The following GET1 variants were observed in gnomAD, a reference collection of about 807,000 sequenced individuals.
GET1 encodes the protein guided entry of tail-anchored proteins factor 1, also known as congenital heart disease 5 protein.
In GET1, 20 loss-of-function variants were observed where a neutral mutation model predicts 22.6. The ratio of observed to expected loss-of-function variants is 0.89; its 90% CI spans 0.62 to 1.29. GET1 has a LOEUF of 1.29. GET1 is among the 50% of genes most tolerant of loss of function. GET1 has a pLI of 0.00. For missense variants in GET1, 209 were observed against 219.9 expected (o/e 0.95, Z 0.31); for synonymous variants, 92 against 83.8 (o/e 1.10, Z -0.53).
At chr21:39,405,756 G>T in intron 4 of GET1, 2 of 633,452 alleles carry the variant, frequency 3.2e-6, no homozygotes, top group Non-Finnish European at 2.4e-6. Context: ...TTTAATTATC[G>T]AAAGTCAATT....
intron 1 of GET1, chr21:39,411,780 AT>A: frequency 6.3e-7 from 1 of 1,589,154 alleles, no homozygotes; most frequent in Non-Finnish European, 8.6e-7. Flanking sequence ...GATGTTTTTA[AT>A]TTCAAGCTCA....
At chr21:39,416,722 A>G (rs2041235491) in intron 1 of GET1, among the ~76,000 whole-genome samples, 1 of 152,076 alleles carries the variant, frequency 6.6e-6, no homozygotes, top group Non-Finnish European at 1.5e-5. Flanking sequence ...ATCTATCAGG[A>G]GCTTTATCCC....
intron 1 of GET1, chr21:39,386,427 G>A (rs1364491363): frequency 6.6e-6 from 1 of 152,300 alleles, no homozygotes; most frequent in Admixed American, 6.5e-5. Context: ...GTGCGGGCAG[G>A]GCCTCCAGTG....
intron 1 of GET1, chr21:39,411,725 A>T (rs757831763): frequency 2.0e-6 from 3 of 1,479,340 alleles, no homozygotes; most frequent in Non-Finnish European, 2.8e-6. Context: ...TACCTTTTGG[A>T]TAGTCCTCTG....
Position 39,419,884 on chromosome 21 carries a change from A to T in GET1, c.*24-8348A>T, listed in dbSNP as rs533315480. ...GAAAGATAGCAAAAAGCCTGACAAA[A>T]TATTTTAAAAATTCTTATTTTTAAA... On this transcript the variant is annotated intron_variant, in intron 1 of 1. Coordinates refer to the GET1 transcript ENST00000478273. 2.0e-5 allele frequency among the ~76,000 whole-genome samples: 3 copies of T among 152,334 alleles called. No homozygotes were observed. In the South Asian group the frequency reaches 6.2e-4, roughly 32 times the overall value.
downstream of GET1, chr21:39,408,599 C>A (rs187726711): frequency 4.7e-4 from 71 of 152,418 alleles, no homozygotes; most frequent in African/African-American, 1.6e-3. Context: ...TCTATCAAAC[C>A]CTGCAGTCTG....
intron 4 of GET1, among the ~76,000 whole-genome samples, chr21:39,403,549 T>TTTC (rs1555890063): frequency 0.011 from 1,671 of 151,386 alleles, 20 homozygotes; most frequent in Admixed American, 0.017. Context: ...ATGGTCTCGA[T>TTTC]CTGACTTCAT....
chr21:39,383,261 T>C (rs2037678213), intron 1 of GET1, among the ~76,000 whole-genome samples: 1 of 146,848 alleles, frequency 6.8e-6, no homozygotes, highest in Non-Finnish European at 1.5e-5. Flanking sequence ...GCCTATTTTT[T>C]TTTTTATTAT....
chr21:39,428,242 A>G (rs1446535361), exon 2 of GET1: 2 of 1,605,364 alleles, frequency 1.2e-6, no homozygotes, highest in Non-Finnish European at 1.7e-6. Flanking sequence ...GCTGCTTTAA[A>G]TAATTTCTAT....
Position 39,397,056 on chromosome 21 carries a change from T to C in GET1, c.*117T>C. The C allele has an allele frequency of 9.1e-7, 1 of 1,097,954 alleles. No individual in the cohort carries two copies. Among genetic ancestry groups the C allele is most frequent in the Non-Finnish European group, 1.3e-6 (1 of 760,934 alleles). 68.0% of individuals were successfully genotyped at this position (1,097,954 alleles called of 1,614,324 possible). ...AAAAGTGCATAGTTTAGATTTTTTT[T>C]TTGTTGAATATGTTTGTTCTTGGAC... On this transcript the variant is annotated 3_prime_UTR_variant, in exon 5 of 5. Coordinates refer to ENST00000649170, the MANE Select transcript of GET1 (RefSeq NM_004627.6).
At position 39,380,483 on chromosome 21, in the gene GET1, C is replaced by T; in HGVS notation, c.99C>T (p.Ser33=). The T allele has an allele frequency of 1.2e-6, 2 of 1,611,204 alleles. No individual in the cohort carries two copies. Among genetic ancestry groups the T allele is most frequent in the South Asian group, 1.1e-5 (1 of 90,340 alleles). Residue 33 remains serine (S), a synonymous_variant, in exon 1 of 5, where the codon TCC becomes TCT. Coordinates refer to ENST00000649170, the MANE Select transcript of GET1 (RefSeq NM_004627.6). ...VLRILLPSFS[S]FMSRVLQKDA... ...GGATCCTCCTCCCGTCCTTCTCATC[C>T]TTCGTAAGTGGCTGCCTGGCCTCCC... is the stretch of plus-strand genomic sequence containing the variant.
Position 39,414,742 on chromosome 21 carries a change from C to CTCTG in GET1, c.*23+3806_*23+3807insCTGT, listed in dbSNP as rs1341489035. 7.3e-3 allele frequency among the ~76,000 whole-genome samples: 728 copies of CTCTG among 99,226 alleles called. 5 individuals carry two copies. The highest frequency in any genetic ancestry group is 8.5e-3 in the African/African-American group (194 of 22,732). 65.1% of individuals were successfully genotyped at this position (99,226 alleles called of 152,430 possible). A position where few individuals can be genotyped will look rare whatever the true frequency, so the allele number is the denominator to read the frequency against. On this transcript the variant is annotated intron_variant, in intron 1 of 1. Coordinates refer to the GET1 transcript ENST00000478273. ...TCTCTCTCTCTCTCTCTCTCTCTCT[C>CTCTG]TGTGTGTGTGTGTGTGTGTGTGTGT...
chr21:39,395,254 T>C (rs2038563213), intron 4 of GET1, among the ~76,000 whole-genome samples: 1 of 152,220 alleles, frequency 6.6e-6, no homozygotes, highest in African/African-American at 2.4e-5. Context: ...AGGATATTTA[T>C]TCCGGTCCTG....
downstream of GET1, among the ~76,000 whole-genome samples, chr21:39,402,192 C>A (rs751974181): frequency 2.0e-5 from 3 of 152,100 alleles, no homozygotes; most frequent in Non-Finnish European, 4.4e-5. Context: ...CAACCCCTGC[C>A]TCCTGGGTTC....
At chr21:39,410,178 TA>T, downstream of GET1, 9 of 1,248,138 alleles carry the variant, frequency 7.2e-6, no homozygotes, top group South Asian at 1.1e-4. Flanking sequence ...TGACTACAAA[TA>T]CTTTTCACAT....
chr21:39,386,298 C>T (rs2037897797), intron 1 of GET1: 1 of 152,318 alleles, frequency 6.6e-6, no homozygotes, highest in Non-Finnish European at 1.5e-5. Flanking sequence ...TTAGTGAGTC[C>T]CTGCCATGGA....
At chr21:39,406,938 CAAT>C (rs2039163701), downstream of GET1, among the ~76,000 whole-genome samples, 1 of 152,082 alleles carries the variant, frequency 6.6e-6, no homozygotes, top group South Asian at 2.1e-4. Context: ...CCAGTTGAAA[CAAT>C]GATGGCTGGG....
At chr21:39,411,033 C>G, downstream of GET1, 1 of 431,480 alleles carries the variant, frequency 2.3e-6, no homozygotes, top group Non-Finnish European at 4.7e-6. Flanking sequence ...AAGACCTCAC[C>G]AATGAGAGGT....
chr21:39,398,991 C>T (rs1181729251), downstream of GET1, among the ~76,000 whole-genome samples: 1 of 152,376 alleles, frequency 6.6e-6, no homozygotes, highest in African/African-American at 2.4e-5. Context: ...CCACCCGCCT[C>T]GGCCTCCCAA....
Sources: allele counts gnomAD v4.1 joint callset (sites outside exome capture counted in the v4.1 genomes callset), GRCh38; gene constraint gnomAD v4.1.1; transcripts MANE v1.5; gene names NCBI Gene and HGNC (gene_info 2026-07-23, HGNC 2026-07-21).